Variants in CNTNAP2 observed in about 807,000 individuals in gnomAD.
The protein encoded by CNTNAP2 is contactin associated protein 2.
A neutral mutation model predicts 155.2 loss-of-function variants in CNTNAP2; 98 were observed. That is an observed-to-expected ratio of 0.63 (90% CI 0.54 to 0.75). CNTNAP2 has a LOEUF of 0.75. Among genes scored for constraint, CNTNAP2 ranks in the 30% least tolerant of loss-of-function variants. The pLI is 0.00. For synonymous variants in CNTNAP2, 651 were observed against 631.2 expected, an observed-to-expected ratio of 1.03 and a Z score of -0.47; for missense variants, 1,727 against 1,688.1, an observed-to-expected ratio of 1.02 and a Z score of -0.40.
At chr7:146,473,460 C>G (rs1224167622) in intron 1 of CNTNAP2, among the ~76,000 whole-genome samples, 1 of 151,978 alleles carries the variant, frequency 6.6e-6, no homozygotes, top group East Asian at 1.9e-4. Flanking sequence ...TCAAAACAGC[C>G]CACTTCTATC....
intron 3 of CNTNAP2, among the ~76,000 whole-genome samples, chr7:146,876,613 C>T (rs1795433767): frequency 6.6e-6 from 1 of 152,070 alleles, no homozygotes; most frequent in Non-Finnish European, 1.5e-5. Context: ...TTTATTAAAC[C>T]CTTACATTTG....
intron 2 of CNTNAP2, among the ~76,000 whole-genome samples, chr7:146,822,161 G>A (rs1803298420): frequency 6.6e-6 from 1 of 152,122 alleles, no homozygotes; most frequent in African/African-American, 2.4e-5. Flanking sequence ...ATGAGTTCAT[G>A]TCCTTTGTAG....
At chr7:147,004,155 A>G (rs998202627) in intron 3 of CNTNAP2, among the ~76,000 whole-genome samples, 1 of 151,256 alleles carries the variant, frequency 6.6e-6, no homozygotes, top group African/African-American at 2.4e-5. Flanking sequence ...TGTACAAAAA[A>G]CTATTGAAGA....
chr7:147,773,495 C>T (rs1797507576), intron 13 of CNTNAP2, among the ~76,000 whole-genome samples: 1 of 152,078 alleles, frequency 6.6e-6, no homozygotes, highest in East Asian at 1.9e-4. Flanking sequence ...AAAAACAAAA[C>T]AAAACAAAAC....
chr7:146,267,243 A>C (rs1800009657), intron 1 of CNTNAP2, among the ~76,000 whole-genome samples: 1 of 152,120 alleles, frequency 6.6e-6, no homozygotes, highest in Non-Finnish European at 1.5e-5. Flanking sequence ...GGTTTGTGAG[A>C]TATATTCATA....
chr7:146,400,098 C>T (rs1795692275), intron 1 of CNTNAP2, among the ~76,000 whole-genome samples: 1 of 152,030 alleles, frequency 6.6e-6, no homozygotes. Context: ...GTTCCTGAGG[C>T]AAACCTCCCT....
intron 1 of CNTNAP2, among the ~76,000 whole-genome samples, chr7:146,251,176 G>T (rs543514202): frequency 6.6e-6 from 1 of 151,928 alleles, no homozygotes; most frequent in Non-Finnish European, 1.5e-5. Context: ...ATTAGACAAA[G>T]GCATACAACT....
intron 3 of CNTNAP2, among the ~76,000 whole-genome samples, chr7:146,919,766 T>G (rs951551145): frequency 1.3e-5 from 2 of 152,162 alleles, no homozygotes; most frequent in African/African-American, 4.8e-5. Context: ...ATTACATCCT[T>G]TGTCTTCAGA....
At chr7:147,354,886 C>A (rs1291478836) in intron 9 of CNTNAP2, among the ~76,000 whole-genome samples, 3 of 152,046 alleles carry the variant, frequency 2.0e-5, no homozygotes, top group Admixed American at 6.6e-5. Context: ...GTATTTTATT[C>A]TCTTTGTAGC....
chr7:147,873,470 A>C (rs1364763592), intron 13 of CNTNAP2, among the ~76,000 whole-genome samples: 2 of 152,122 alleles, frequency 1.3e-5, no homozygotes, highest in African/African-American at 2.4e-5. Context: ...GTGCAGAGGA[A>C]CTGCCCTTTA....
At chr7:146,456,212 T>A (rs1796552576) in intron 1 of CNTNAP2, among the ~76,000 whole-genome samples, 1 of 152,206 alleles carries the variant, frequency 6.6e-6, no homozygotes, top group Non-Finnish European at 1.5e-5. Flanking sequence ...AGGTGGTTGA[T>A]TTCCAAAATC....
intron 13 of CNTNAP2, among the ~76,000 whole-genome samples, chr7:147,885,374 C>G (rs183418139): frequency 3.9e-5 from 6 of 152,222 alleles, no homozygotes; most frequent in African/African-American, 1.2e-4. Flanking sequence ...GGTTCAGGCC[C>G]CAGCACGTTG....
At chr7:146,430,008 A>C (rs768956012) in intron 1 of CNTNAP2, among the ~76,000 whole-genome samples, 1 of 152,138 alleles carries the variant, frequency 6.6e-6, no homozygotes, top group Admixed American at 6.6e-5. Flanking sequence ...AGTTATGTTT[A>C]TGTGATGAAT....
intron 10 of CNTNAP2, among the ~76,000 whole-genome samples, chr7:147,474,516 G>A (rs1047532341): frequency 3.3e-5 from 5 of 152,060 alleles, no homozygotes; most frequent in African/African-American, 1.2e-4. Context: ...CCAGGAGGTG[G>A]AGGTTGCAGT....
chr7:147,865,563 T>A (rs529303763), intron 13 of CNTNAP2, among the ~76,000 whole-genome samples: 2 of 152,292 alleles, frequency 1.3e-5, no homozygotes, highest in South Asian at 4.1e-4. Flanking sequence ...GTTCTGGACT[T>A]TTTTTGATTG....
chr7:147,610,492 G>C (rs916437814), intron 12 of CNTNAP2, among the ~76,000 whole-genome samples: 1 of 152,166 alleles, frequency 6.6e-6, no homozygotes, highest in Non-Finnish European at 1.5e-5. Flanking sequence ...TCAGTTTGAA[G>C]CAACCAGCAT....
chr7:147,031,619 C>G (rs948001604), intron 3 of CNTNAP2, among the ~76,000 whole-genome samples: 1 of 152,168 alleles, frequency 6.6e-6, no homozygotes, highest in Admixed American at 6.5e-5. Flanking sequence ...TTATGAAGTT[C>G]AAGAAAAGTC....
chr7:146,553,730 G>A (rs1336934908), intron 1 of CNTNAP2, among the ~76,000 whole-genome samples: 1 of 151,968 alleles, frequency 6.6e-6, no homozygotes, highest in Non-Finnish European at 1.5e-5. Context: ...ATATCACATA[G>A]TGAACATTTC....
intron 3 of CNTNAP2, among the ~76,000 whole-genome samples, chr7:146,929,027 G>C (rs1165794630): frequency 6.6e-6 from 1 of 152,214 alleles, no homozygotes; most frequent in East Asian, 1.9e-4. Context: ...CAAACTAAAA[G>C]ACAGCAGTAA....
Sources: gnomAD v4.1 joint callset for allele counts (sites outside exome capture counted in the v4.1 genomes callset) on GRCh38, gnomAD v4.1.1 for gene constraint, MANE v1.5 for transcripts, NCBI Gene and HGNC (gene_info 2026-07-23, HGNC 2026-07-21) for gene names.